The following SPTBN1 variants were observed in gnomAD, a reference collection of about 807,000 sequenced individuals.
SPTBN1 encodes spectrin beta chain, non-erythrocytic 1.
Under a neutral mutation model 266.4 loss-of-function variants are expected in SPTBN1, and 32 were observed. The observed-to-expected ratio is 0.12, with a 90% CI of 0.09 to 0.16. The LOEUF is 0.16. SPTBN1 is among the 10% of genes least tolerant of loss of function. The probability of loss-of-function intolerance (pLI) is 1.00; values close to 1 mark genes in which losing one functional copy is unlikely to be tolerated. For synonymous variants in SPTBN1, 1,336 were observed against 1,162.2 expected, an observed-to-expected ratio of 1.15 and a Z score of -3.04; for missense variants, 2,296 against 3,067.1, an observed-to-expected ratio of 0.75 and a Z score of 5.94.
In SPTBN1 at chr2:54,649,890, G is replaced by C. The variant is rs747211538; in HGVS notation, c.5478G>C (p.Lys1826Asn). ...EIFGRIQDKH[K>N]KLPEELGRDQ... ...TTGGGCGTATACAGGACAAACACAA[G>C]AAACTCCCTGAGGAGCTTGGGAGAG... The change falls in exon 26 of 36, where the codon AAG (lysine) becomes AAC (asparagine). Residue 1826 changes from lysine (K) to asparagine (N), a missense_variant. This residue lies in a region of SPTBN1 where 644 missense variants were observed against 745.3 expected (regional missense o/e 0.86). Transcript: ENST00000356805. The surrounding 1 kb of genome is among the most constrained non-coding windows in gnomAD (Gnocchi z 6.7). The C allele has an allele frequency of 2.5e-6, 4 of 1,614,194 alleles. No homozygotes were observed. The Admixed American group carries it at 5.0e-5, about 20-fold the overall frequency.
At chr2:54,655,686 A>G (rs1195460063) in intron 28 of SPTBN1, among the ~76,000 whole-genome samples, 1 of 152,226 alleles carries the variant, frequency 6.6e-6, no homozygotes, top group Non-Finnish European at 1.5e-5. Context: ...CCTCACGACA[A>G]AACAGCTTTG....
intron 1 of SPTBN1, among the ~76,000 whole-genome samples, chr2:54,465,074 C>G (rs1184657430): frequency 6.6e-6 from 1 of 152,160 alleles, no homozygotes; most frequent in Non-Finnish European, 1.5e-5. Context: ...AAAAGTAAAT[C>G]TGTCCAATTG....
In SPTBN1 at chr2:54,664,575, AGCCCAGAGTGCC is replaced by A; in HGVS notation, c.6547_6558del (p.Gln2183_Ala2186del). The A allele has an allele frequency of 1.9e-6, 3 of 1,614,156 alleles. No homozygotes were observed. Among genetic ancestry groups the A allele is most frequent in the Non-Finnish European group, 2.5e-6 (3 of 1,180,018 alleles). ...ATCGTAAAGCCAAGACTGCCCTCCC[AGCCCAGAGTGCC>A]GCCACCTTACCAGCCAGAACCCAGG... On this transcript the variant is annotated inframe_deletion, in exon 33 of 36. Coordinates refer to ENST00000356805, the MANE Select transcript of SPTBN1 (RefSeq NM_003128.3). This position sits in a 1 kb window ranked among gnomAD's most constrained non-coding sequence, Gnocchi z 5.6.
At chr2:54,565,007 G>T (rs1673571492) in intron 2 of SPTBN1, among the ~76,000 whole-genome samples, 1 of 152,156 alleles carries the variant, frequency 6.6e-6, no homozygotes, top group South Asian at 2.1e-4. Flanking sequence ...CCAAATTGAG[G>T]TTCTCAAAAT....
At chr2:54,585,361 T>C (rs1675221059) in intron 2 of SPTBN1, among the ~76,000 whole-genome samples, 1 of 152,256 alleles carries the variant, frequency 6.6e-6, no homozygotes, top group Non-Finnish European at 1.5e-5. Context: ...GGTGCTACCC[T>C]GCCTGTTGGC....
rs750878053 is a variant in SPTBN1 at position 54,581,581 on chromosome 2, T to TC, written c.149-17511_149-17510insC. Among the ~76,000 whole-genome samples, 193 of 101,324 alleles carry TC rather than the reference T, an allele frequency of 1.9e-3. 2 individuals are homozygous for TC. Among genetic ancestry groups the TC allele is most frequent in the Middle Eastern group, 6.1e-3 (1 of 164 alleles). The allele number at this position is 101,324 out of a possible 152,430, so 66.5% of individuals were successfully genotyped here. On this transcript the variant is annotated intron_variant, in intron 2 of 35. Transcript: ENST00000356805. The stretch of plus-strand genomic sequence containing the variant: ...TCATGCTTTGGTTTCTTTGCCCTTT[T>TC]TTTTTTTTTTTTTTTTTTTGAAACT...
chr2:54,656,181 T>G (rs1452947269), intron 29 of SPTBN1, among the ~76,000 whole-genome samples, 183 bp downstream of exon 29: 2 of 152,236 alleles, frequency 1.3e-5, no homozygotes, highest in Non-Finnish European at 2.9e-5. Flanking sequence ...TATGGCGTAG[T>G]CATTTTTCAC....
intron 1 of SPTBN1, among the ~76,000 whole-genome samples, chr2:54,473,335 G>T (rs757604399): frequency 1.3e-5 from 2 of 152,154 alleles, no homozygotes; most frequent in Non-Finnish European, 2.9e-5. Flanking sequence ...TGGAAAATGC[G>T]TGTGTGGGCA....
At chr2:54,599,415 G>T (rs545884091) in intron 3 of SPTBN1, among the ~76,000 whole-genome samples, 172 bp downstream of exon 3, 1 of 152,206 alleles carries the variant, frequency 6.6e-6, no homozygotes, top group African/African-American at 2.4e-5. Context: ...CATTCTGAGC[G>T]TGGATGATGT....
intron 1 of SPTBN1, among the ~76,000 whole-genome samples, chr2:54,487,591 T>C (rs535589915): frequency 6.6e-6 from 1 of 152,280 alleles, no homozygotes; most frequent in Admixed American, 6.5e-5. Flanking sequence ...CTTCACAATA[T>C]TATCTAATGT....
chr2:54,660,348 T>C, intron 32 of SPTBN1: 1 of 1,227,062 alleles, frequency 8.1e-7, no homozygotes. Flanking sequence ...ACATGAGTAA[T>C]TGAAATGAAA....
In SPTBN1 at chr2:54,645,016, C is replaced by A. The variant is rs971011385; in HGVS notation, c.4270-213C>A. On this transcript the variant is annotated intron_variant, in intron 20 of 35. Transcript: ENST00000356805. This position sits in a 1 kb window ranked among gnomAD's most constrained non-coding sequence, Gnocchi z 4.3. ...AAAATAACTGTTTATATTATATCAC[C>A]GTAGAGGGCTTTAAGGGCAAATGAA... is the stretch of plus-strand genomic sequence containing the variant. 6 of 580,824 alleles carry A rather than the reference C, an allele frequency of 1.0e-5. No homozygotes were observed. The highest frequency in any genetic ancestry group is 8.8e-5 in the East Asian group (3 of 34,148). The allele number at this position is 580,824 out of a possible 1,614,324, so 36.0% of individuals were successfully genotyped here. A position where few individuals can be genotyped will look rare whatever the true frequency, so the allele number is the denominator to read the frequency against.
chr2:54,571,336 G>A (rs1674050718), intron 2 of SPTBN1, among the ~76,000 whole-genome samples: 1 of 152,092 alleles, frequency 6.6e-6, no homozygotes, highest in Admixed American at 6.6e-5. Flanking sequence ...CAGGGGGAAA[G>A]AATAAATAGC....
In SPTBN1 at chr2:54,527,062, A is replaced by G. The variant is rs115719248; in HGVS notation, c.148+496A>G. On this transcript the variant is annotated intron_variant, in intron 2 of 35. Transcript: ENST00000356805. Reference sequence around the variant, plus strand: ...CGAGTAAGTTTGCCATTGGTCCATTAGTTCGTGGAACATGTCCTTACTTTG... The same window carrying G: ...CGAGTAAGTTTGCCATTGGTCCATTGGTTCGTGGAACATGTCCTTACTTTG... 426 of 152,588 alleles carry G rather than the reference A, an allele frequency of 2.8e-3. 1 individual carries two copies. Among genetic ancestry groups the G allele is most frequent in the Non-Finnish European group, 5.1e-3 (348 of 68,230 alleles). The allele number at this position is 152,588 out of a possible 1,614,324, so 9.5% of individuals were successfully genotyped here.
chr2:54,630,827 C>G, intron 15 of SPTBN1, 28 bp from the exon 16 acceptor site: 1 of 1,532,378 alleles, frequency 6.5e-7, no homozygotes, highest in Non-Finnish European at 8.8e-7. Context: ...CCCTTTTTCA[C>G]ACTCGCTGTC....
intron 2 of SPTBN1, among the ~76,000 whole-genome samples, chr2:54,590,337 A>G (rs1020033614): frequency 8.5e-5 from 13 of 152,156 alleles, no homozygotes; most frequent in African/African-American, 2.9e-4. Context: ...CTCCTCAACA[A>G]TTTCAGTGAG....
At chr2:54,499,244 T>C (rs920790504) in intron 1 of SPTBN1, among the ~76,000 whole-genome samples, 11 of 152,224 alleles carry the variant, frequency 7.2e-5, no homozygotes, top group African/African-American at 2.7e-4. Context: ...TTTTTCTCCT[T>C]ATTTAAGGAA....
chr2:54,566,203 T>TTTTTTTG (rs1673648386), intron 2 of SPTBN1, among the ~76,000 whole-genome samples: 1 of 111,128 alleles, frequency 9.0e-6, no homozygotes, highest in Non-Finnish European at 1.9e-5. Flanking sequence ...TTTTTTTTTT[T>TTTTTTTG]GTTGAGATGG....
chr2:54,535,841 A>G (rs891108671), intron 2 of SPTBN1, among the ~76,000 whole-genome samples: 4 of 152,178 alleles, frequency 2.6e-5, no homozygotes, highest in Non-Finnish European at 5.9e-5. Flanking sequence ...GTAAAAACCC[A>G]TCTCTACTAA....
Sources: allele counts gnomAD v4.1 joint callset (sites outside exome capture counted in the v4.1 genomes callset), GRCh38; gene constraint gnomAD v4.1.1; regional missense constraint gnomAD v4.1.1; non-coding constraint Gnocchi (gnomAD v3.1); transcripts MANE v1.5; gene names NCBI Gene and HGNC (gene_info 2026-07-23, HGNC 2026-07-21).